Variants in CD84 observed in about 807,000 individuals in gnomAD.
CD84 encodes SLAM family member 5.
In CD84, 22 loss-of-function variants were observed where a neutral mutation model predicts 33.8. The ratio of observed to expected loss-of-function variants is 0.65; its 90% CI spans 0.46 to 0.93. The LOEUF (loss-of-function observed/expected upper bound fraction) is 0.93. Ranked by LOEUF, CD84 falls within the 40% of genes least tolerant of loss-of-function variation. The pLI, the probability that CD84 is intolerant of heterozygous loss-of-function variation, is 0.00. For synonymous variants in CD84, 154 were observed against 145.2 expected (o/e 1.06, Z -0.44); for missense variants, 400 against 397.6 (o/e 1.01, Z -0.05).
intron 1 of CD84, among the ~76,000 whole-genome samples, chr1:160,577,942 G>GAGCT (rs1658072883): frequency 6.6e-6 from 1 of 152,054 alleles, no homozygotes; most frequent in African/African-American, 2.4e-5. Context: ...GTGTATCCTA[G>GAGCT]AGCTACCTTT....
Position 160,545,065 on chromosome 1 carries a change from T to G in CD84, c.*3191A>C, listed in dbSNP as rs1366597733. The G allele has an allele frequency of 6.6e-6, 1 of 152,082 alleles. No homozygotes were observed. The highest frequency in any genetic ancestry group is 2.4e-5 in the African/African-American group (1 of 41,400). The allele number at this position is 152,082 out of a possible 1,614,324, so 9.4% of individuals were successfully genotyped here. On this transcript the variant is annotated 3_prime_UTR_variant, in exon 7 of 7. Coordinates refer to ENST00000368054, the MANE Select transcript of CD84 (RefSeq NM_003874.4). ...GAAGGAAAATCTAAGAACTAAGACC[T>G]AGAGAGAAGGGTGAACAGATAACGT...
At chr1:160,553,267 A>T (rs767600133) in intron 4 of CD84, 111 bp downstream of exon 4, 9 of 1,573,908 alleles carry the variant, frequency 5.7e-6, no homozygotes, top group South Asian at 1.1e-5. Flanking sequence ...GATCGGAAAA[A>T]GGCAGATTCC....
chr1:160,577,227 T>A (rs777647027), intron 1 of CD84, among the ~76,000 whole-genome samples: 3 of 152,152 alleles, frequency 2.0e-5, no homozygotes, highest in African/African-American at 4.8e-5. Context: ...TCTCCCTGCA[T>A]CTCTCCACTG....
Position 160,554,171 on chromosome 1 carries a change from A to G in CD84, c.389-25T>C, listed in dbSNP as rs758174195. On this transcript the variant is annotated intron_variant, in intron 2 of 6. Coordinates refer to ENST00000368054, the MANE Select transcript of CD84 (RefSeq NM_003874.4). ...CCTGTGGGGGCAAACACATGAGCCA[A>G]TAGTGAGCTGGAGCTGGCTTGTACT... 39 of 1,588,496 alleles carry G rather than the reference A, an allele frequency of 2.5e-5. No individual in the cohort carries two copies. The African/African-American group carries it at 4.0e-4, about 16-fold the overall frequency.
intron 6 of CD84, among the ~76,000 whole-genome samples, chr1:160,549,145 C>G (rs1488257856): frequency 6.6e-6 from 1 of 152,116 alleles, no homozygotes; most frequent in Non-Finnish European, 1.5e-5. Flanking sequence ...GCTTCAAGTC[C>G]TCCTTAAAAG....
rs1467518999 is a variant in CD84 at position 160,547,330 on chromosome 1, G to A, written c.*926C>T. On this transcript the variant is annotated 3_prime_UTR_variant, in exon 7 of 7. Coordinates refer to ENST00000368054, the MANE Select transcript of CD84 (RefSeq NM_003874.4). Reference sequence around the variant, plus strand: ...TTCCCCAGAAGTGTGAGAAATATAAGCTGGTCAGTTCCTTTTGGAGAGTGG... The same window carrying A: ...TTCCCCAGAAGTGTGAGAAATATAAACTGGTCAGTTCCTTTTGGAGAGTGG... The A allele has an allele frequency of 5.0e-6, 2 of 396,566 alleles. No individual in the cohort carries two copies. Among genetic ancestry groups the A allele is most frequent in the Non-Finnish European group, 8.9e-6 (2 of 225,370 alleles). The allele number at this position is 396,566 out of a possible 1,614,324, so 24.6% of individuals were successfully genotyped here.
intron 1 of CD84, among the ~76,000 whole-genome samples, chr1:160,578,200 T>C (rs1179866272): frequency 6.6e-6 from 1 of 152,216 alleles, no homozygotes; most frequent in Non-Finnish European, 1.5e-5. Flanking sequence ...CTCATCTCAA[T>C]GGTTTTCATA....
chr1:160,553,624 G>A (rs1364870282), intron 3 of CD84, 127 bp from the exon 4 acceptor site: 3 of 1,185,236 alleles, frequency 2.5e-6, no homozygotes, highest in Non-Finnish European at 2.4e-6. Context: ...AAGCTCCTAG[G>A]GAAACTAAAC....
rs948152252 is a variant in CD84, at chr1:160,544,383, G to A, written c.*3873C>T. On this transcript the variant is annotated 3_prime_UTR_variant, in exon 7 of 7. Coordinates refer to ENST00000368054, the MANE Select transcript of CD84 (RefSeq NM_003874.4). ...GCCAGGCTGGTCTCGAACTCCTTGT[G>A]ATCCACCCACCTTGGCCTCCCAAAA... is the stretch of plus-strand genomic sequence containing the variant. 6.6e-6 allele frequency: 1 copy of A among 151,842 alleles called. No individual in the cohort carries two copies. The highest frequency in any genetic ancestry group is 1.5e-5 in the Non-Finnish European group (1 of 67,994). 9.4% of individuals were successfully genotyped at this position (151,842 alleles called of 1,614,324 possible). A position where few individuals can be genotyped will look rare whatever the true frequency, so the allele number is the denominator to read the frequency against.
chr1:160,558,204 C>T (rs932147943), intron 2 of CD84, among the ~76,000 whole-genome samples: 1 of 152,176 alleles, frequency 6.6e-6, no homozygotes, highest in Non-Finnish European at 1.5e-5. Flanking sequence ...ACAGAGGTCC[C>T]TAGCCACCTC....
At chr1:160,565,864 G>A in intron 1 of CD84, 119 bp from the exon 2 acceptor site, 1 of 780,790 alleles carries the variant, frequency 1.3e-6, no homozygotes, top group Non-Finnish European at 1.9e-6. Flanking sequence ...CCAGTTTCTT[G>A]AGGATGCCTT....
In CD84 at chr1:160,579,459, T is replaced by C. The variant is rs758964631; in HGVS notation, c.-22A>G. 5.0e-6 allele frequency: 8 copies of C among 1,612,692 alleles called. No homozygotes were observed. The South Asian group carries it at 8.8e-5, about 18-fold the overall frequency. On this transcript the variant is annotated 5_prime_UTR_variant, in exon 1 of 7. Coordinates refer to ENST00000368054, the MANE Select transcript of CD84 (RefSeq NM_003874.4). ...CCATCTCTTTCAGGGTCTAACCTTCTGTGGAAAAGCACGGCACTGTTCTAG... is the reference window on the plus strand; with the variant it reads ...CCATCTCTTTCAGGGTCTAACCTTCCGTGGAAAAGCACGGCACTGTTCTAG...
intron 1 of CD84, among the ~76,000 whole-genome samples, chr1:160,577,608 C>T (rs533645980): frequency 1.3e-5 from 2 of 152,288 alleles, no homozygotes; most frequent in South Asian, 4.1e-4. Context: ...TTGGACAATT[C>T]CCTGACAGAG....
rs1373030679 is a variant in CD84, at chr1:160,545,205, G to A, written c.*3051C>T. On this transcript the variant is annotated 3_prime_UTR_variant, in exon 7 of 7. Transcript: ENST00000368054. ...TGGGCTCTGGCTTCATCCCAGGTTT[G>A]CTCTTCTGGAAGACCTAACAGATCT... 4 of 152,190 alleles carry A rather than the reference G, an allele frequency of 2.6e-5. No homozygotes were observed. Among genetic ancestry groups the A allele is most frequent in the Non-Finnish European group, 5.9e-5 (4 of 68,040 alleles). 9.4% of individuals were successfully genotyped at this position (152,190 alleles called of 1,614,324 possible). A position where few individuals can be genotyped will look rare whatever the true frequency, so the allele number is the denominator to read the frequency against.
At position 160,565,395 on chromosome 1, in the gene CD84, A is replaced by G. The variant is rs765475507; in HGVS notation, c.388+9T>C. Reference sequence around the variant, plus strand: ...TAAAACACAAGCTCTCCGTCTTCCCATGACTTACGATAGATTTGCAGGTTG... The same window carrying G: ...TAAAACACAAGCTCTCCGTCTTCCCGTGACTTACGATAGATTTGCAGGTTG... On this transcript the variant is annotated intron_variant, in intron 2 of 6. Coordinates refer to ENST00000368054, the MANE Select transcript of CD84 (RefSeq NM_003874.4). The G allele has an allele frequency of 3.8e-6, 6 of 1,576,394 alleles. No homozygotes were observed. Among genetic ancestry groups the G allele is most frequent in the African/African-American group, 2.7e-5 (2 of 73,644 alleles).
At chr1:160,576,207 T>C (rs1571392824) in intron 1 of CD84, among the ~76,000 whole-genome samples, 1 of 152,106 alleles carries the variant, frequency 6.6e-6, no homozygotes, top group Admixed American at 6.6e-5. Context: ...AGGATGATGG[T>C]TGGGGTCCAG....
chr1:160,567,887 T>C (rs1657426185), intron 1 of CD84, among the ~76,000 whole-genome samples: 1 of 152,178 alleles, frequency 6.6e-6, no homozygotes, highest in African/African-American at 2.4e-5. Flanking sequence ...ATGTGATCTA[T>C]GCAGTTGCAC....
chr1:160,577,860 G>T (rs1052048901), intron 1 of CD84, among the ~76,000 whole-genome samples: 2 of 152,118 alleles, frequency 1.3e-5, no homozygotes, highest in Non-Finnish European at 2.9e-5. Context: ...CTTCGTCTAG[G>T]TCACAAAACT....
chr1:160,574,774 T>C (rs1657896853), intron 1 of CD84, among the ~76,000 whole-genome samples: 2 of 152,090 alleles, frequency 1.3e-5, no homozygotes, highest in Admixed American at 6.6e-5. Flanking sequence ...ATGAAGGTAA[T>C]ATTAGCACAT....
Sources: allele counts gnomAD v4.1 joint callset (sites outside exome capture counted in the v4.1 genomes callset), GRCh38; gene constraint gnomAD v4.1.1; transcripts MANE v1.5; gene names NCBI Gene and HGNC (gene_info 2026-07-23, HGNC 2026-07-21).